The following SPATA31G1 variants were observed in gnomAD, a reference collection of about 807,000 sequenced individuals.
SPATA31G1 encodes spermatogenesis-associated protein 31G1.
the SPATA31G1 span, chr9:35,042,598 G>T: frequency 6.6e-7 from 1 of 1,504,780 alleles, no homozygotes. Context: ...TGTGAGGCTG[G>T]GTGAGTAACC....
At chr9:35,043,671 G>C in the SPATA31G1 span, 1 of 1,614,162 alleles carries the variant, frequency 6.2e-7, no homozygotes, top group South Asian at 1.1e-5. Flanking sequence ...CCAATCCCCA[G>C]CTTCTCTGTC....
At chr9:35,043,698 A>G in the SPATA31G1 span, 2 of 1,614,238 alleles carry the variant, frequency 1.2e-6, no homozygotes, top group Non-Finnish European at 1.7e-6. Context: ...CAGAAAAGTT[A>G]GCCCTGAAGG....
chr9:35,043,769 C>A, the SPATA31G1 span: 2 of 1,614,210 alleles, frequency 1.2e-6, no homozygotes, highest in East Asian at 4.5e-5. Context: ...AACCTCAGGC[C>A]TCTGAGTCTT....
chr9:35,043,880 A>C, the SPATA31G1 span: 1 of 1,614,210 alleles, frequency 6.2e-7, no homozygotes, highest in Non-Finnish European at 8.5e-7. Flanking sequence ...GGGAATGCAG[A>C]GAAAACTCAG....
the SPATA31G1 span, chr9:35,043,646 G>T: frequency 6.2e-7 from 1 of 1,614,122 alleles, no homozygotes; most frequent in Non-Finnish European, 8.5e-7. Context: ...TTGAGCCTCC[G>T]ATGCCACCCC....
the SPATA31G1 span, chr9:35,043,977 G>A: frequency 9.3e-6 from 15 of 1,613,114 alleles, no homozygotes; most frequent in South Asian, 1.5e-4. Context: ...ACCAGCATCT[G>A]AGACACCATG....
chr9:35,045,339 T>C, the SPATA31G1 span: 1 of 1,614,000 alleles, frequency 6.2e-7, no homozygotes, highest in Non-Finnish European at 8.5e-7. Context: ...CCAAGGGCCA[T>C]GTGTACACAT....
At chr9:35,042,001 T>C in the SPATA31G1 span, 1 of 449,444 alleles carries the variant, frequency 2.2e-6, no homozygotes, top group Non-Finnish European at 3.9e-6. Context: ...AGAGCTATGA[T>C]TTGAATAAGG....
chr9:35,043,908 GAGTCTCC>G, the SPATA31G1 span: 1 of 1,613,908 alleles, frequency 6.2e-7, no homozygotes, highest in African/African-American at 1.3e-5. Context: ...CTGGGCTTTT[GAGTCTCC>G]AGTCTTGGAC....
the SPATA31G1 span, chr9:35,044,410 C>A: frequency 2.5e-6 from 4 of 1,614,010 alleles, no homozygotes; most frequent in Middle Eastern, 1.6e-4. Context: ...ATACAAAAGA[C>A]AAAAAACTCC....
At chr9:35,043,800 C>A in the SPATA31G1 span, 29 of 1,614,034 alleles carry the variant, frequency 1.8e-5, no homozygotes, top group African/African-American at 3.7e-4. Flanking sequence ...CCCTTGCCCT[C>A]CCCTAGACTC....
chr9:35,042,334 C>A, the SPATA31G1 span: 1 of 1,614,230 alleles, frequency 6.2e-7, no homozygotes, highest in African/African-American at 1.3e-5. Flanking sequence ...CATGCCCTAG[C>A]CTGCAGACAC....
chr9:35,043,039 C>T, the SPATA31G1 span: 1 of 1,614,180 alleles, frequency 6.2e-7, no homozygotes, highest in Non-Finnish European at 8.5e-7. Context: ...CCAGCCCCAC[C>T]CCAGCCATCC....
the SPATA31G1 span, chr9:35,045,862 G>C: frequency 6.2e-7 from 1 of 1,600,684 alleles, no homozygotes. Context: ...ACCAAATCTA[G>C]TCAGTAGAGA....
chr9:35,043,295 G>A, the SPATA31G1 span: 2 of 1,614,156 alleles, frequency 1.2e-6, no homozygotes, highest in Middle Eastern at 1.6e-4. Flanking sequence ...CTCTGAAGTG[G>A]TCTGTTTGTT....
At chr9:35,045,455 C>T in the SPATA31G1 span, 1 of 1,613,980 alleles carries the variant, frequency 6.2e-7, no homozygotes, top group Non-Finnish European at 8.5e-7. Flanking sequence ...CATCCTCAGC[C>T]AAAAAGAGAG....
chr9:35,045,833 T>C, the SPATA31G1 span: 1 of 1,612,618 alleles, frequency 6.2e-7, no homozygotes, highest in Non-Finnish European at 8.5e-7. Context: ...AATGCCTGGA[T>C]AACCATCGAC....
chr9:35,045,702 G>A, the SPATA31G1 span: 1 of 1,614,242 alleles, frequency 6.2e-7, no homozygotes, highest in East Asian at 2.2e-5. Context: ...AGGGCGAAGA[G>A]CAAGTGACAT....
At chr9:35,044,808 C>T in the SPATA31G1 span, 1 of 1,614,190 alleles carries the variant, frequency 6.2e-7, no homozygotes, top group East Asian at 2.2e-5. Flanking sequence ...GGATCCCCTA[C>T]ACCCAGTACC....
Sources: allele counts gnomAD v4.1 joint callset, GRCh38; gene constraint gnomAD v4.1.1; transcripts MANE v1.5; gene names NCBI Gene and HGNC (gene_info 2026-07-23, HGNC 2026-07-21).